The following COL4A4 variants were observed in gnomAD, a reference collection of about 807,000 sequenced individuals.
COL4A4 encodes the protein collagen type IV alpha 4 chain, also known as collagen alpha-4(IV) chain.
In COL4A4, 105 loss-of-function variants were observed where a neutral mutation model predicts 192.9. That is an observed-to-expected ratio of 0.54 (90% CI 0.46 to 0.64). COL4A4 has a LOEUF of 0.64. COL4A4 is among the 30% of genes least tolerant of loss of function. COL4A4 has a pLI of 0.00. For missense variants in COL4A4, 1,967 were observed against 2,169.3 expected (o/e 0.91, Z 1.85); for synonymous variants, 762 against 769.9 (o/e 0.99, Z 0.17).
At chr2:227,095,131 A>G (rs1308892683) in intron 19 of COL4A4, among the ~76,000 whole-genome samples, 1 of 152,224 alleles carries the variant, frequency 6.6e-6, no homozygotes, top group East Asian at 1.9e-4. Flanking sequence ...CTTTAGGATT[A>G]TTGGGGAAGA....
At chr2:226,969,896 G>A in the COL4A4 span, among the ~76,000 whole-genome samples, 3 of 151,812 alleles carry the variant, frequency 2.0e-5, no homozygotes, top group African/African-American at 7.3e-5. Context: ...ATCCTGTGGC[G>A]AGGCACAAAG....
At chr2:226,999,512 G>A (rs565578630), downstream of COL4A4, among the ~76,000 whole-genome samples, 11 of 152,290 alleles carry the variant, frequency 7.2e-5, no homozygotes, top group East Asian at 1.9e-4. Flanking sequence ...ACAGGTCTGC[G>A]TTGGATGTGT....
In COL4A4 at chr2:227,102,814, C is replaced by T. The variant is rs777687210; in HGVS notation, c.905G>A (p.Gly302Asp). 1.2e-6 allele frequency: 2 copies of T among 1,613,512 alleles called. No homozygotes were observed. Among genetic ancestry groups the T allele is most frequent in the African/African-American group, 2.7e-5 (2 of 74,840 alleles). The change falls in exon 15 of 48, where the codon GGT (glycine) becomes GAT (aspartate). Residue 302 changes from glycine to aspartate, a missense_variant. Transcript: ENST00000396625. The part of the protein sequence containing the change: ...ESGIGAKGEK[G>D]IPGFPGPRGD... ...CCGAGGCCCTGGAAATCCAGGAATA[C>T]CTTTTTCTCCTTTTGCCCCAATACC...
chr2:226,974,306 C>G, the COL4A4 span, among the ~76,000 whole-genome samples: 1 of 151,116 alleles, frequency 6.6e-6, no homozygotes, highest in Non-Finnish European at 1.5e-5. Context: ...GGTGTGATCT[C>G]GGCTCATTGC....
chr2:226,990,764 A>G, the COL4A4 span, among the ~76,000 whole-genome samples: 1 of 152,216 alleles, frequency 6.6e-6, no homozygotes, highest in Admixed American at 6.5e-5. Flanking sequence ...GAGGTAAATC[A>G]TCTTAACACG....
intron 29 of COL4A4, 112 bp downstream of exon 29, chr2:227,057,327 G>T: frequency 3.1e-6 from 4 of 1,278,704 alleles, no homozygotes; most frequent in Non-Finnish European, 4.4e-6. Flanking sequence ...GAAGTCCTTT[G>T]TCTCTGACTC....
At chr2:227,027,739 C>T (rs1575865244) in intron 42 of COL4A4, 163 bp downstream of exon 42, 2 of 516,696 alleles carry the variant, frequency 3.9e-6, no homozygotes, top group East Asian at 6.2e-5. Flanking sequence ...CTTTACCAAA[C>T]ATGAGACTTT....
At chr2:227,096,601 C>A (rs2060216084) in intron 19 of COL4A4, among the ~76,000 whole-genome samples, 1 of 152,132 alleles carries the variant, frequency 6.6e-6, no homozygotes, top group Non-Finnish European at 1.5e-5. Flanking sequence ...TATATTGAAT[C>A]TTTACTATAC....
chr2:227,115,512 T>TA (rs1446672446), intron 7 of COL4A4, among the ~76,000 whole-genome samples: 1 of 152,058 alleles, frequency 6.6e-6, no homozygotes, highest in Non-Finnish European at 1.5e-5. Context: ...GACCTCGTGA[T>TA]CCACCCGCCT....
At chr2:226,983,022 TA>T in the COL4A4 span, among the ~76,000 whole-genome samples, 12 of 152,330 alleles carry the variant, frequency 7.9e-5, no homozygotes, top group Non-Finnish European at 1.6e-4. Context: ...CTTTGACTCA[TA>T]GTAAATGTCA....
intron 21 of COL4A4, 41 bp downstream of exon 21, chr2:227,089,827 A>G (rs2059814836): frequency 1.3e-6 from 2 of 1,487,178 alleles, no homozygotes; most frequent in Non-Finnish European, 1.9e-6. Flanking sequence ...TCATCCATGT[A>G]CAGTTGTCTT....
In COL4A4 at chr2:227,099,538, A is replaced by G. The variant is rs146411683; in HGVS notation, c.1099+82T>C. 2.3e-6 allele frequency: 3 copies of G among 1,278,904 alleles called. No homozygotes were observed. In the East Asian group the frequency reaches 6.9e-5, roughly 30 times the overall value. The allele number at this position is 1,278,904 out of a possible 1,614,324, so 79.2% of individuals were successfully genotyped here. A position where few individuals can be genotyped will look rare whatever the true frequency, so the allele number is the denominator to read the frequency against. The stretch of plus-strand genomic sequence containing the variant: ...CCTGCCTAGTGTGCAAGCTATGGAA[A>G]TACTGGGCCAGACTCTTCTGTCCTG... On this transcript the variant is annotated intron_variant, in intron 18 of 47. Coordinates refer to ENST00000396625, the MANE Select transcript of COL4A4 (RefSeq NM_000092.5).
chr2:227,042,262 A>C lies in COL4A4; in HGVS notation c.3398-7T>G. 1 of 1,576,158 alleles carries C rather than the reference A, an allele frequency of 6.3e-7. No individual in the cohort carries two copies. Among genetic ancestry groups the C allele is most frequent in the Non-Finnish European group, 8.7e-7 (1 of 1,145,538 alleles). On this transcript the variant is annotated splice_region_variant and splice_polypyrimidine_tract_variant and intron_variant, in intron 36 of 47. Transcript: ENST00000396625. ...CCAGGCATCCCGTGATCACCTGAGG[A>C]TGACAGGGAAGTTTTGCAGATGGCC...
intron 37 of COL4A4, among the ~76,000 whole-genome samples, chr2:227,034,619 GGTTA>G (rs1386290068): frequency 4.0e-5 from 6 of 150,638 alleles, no homozygotes; most frequent in Non-Finnish European, 8.9e-5. Context: ...ACAATGTGCA[GGTTA>G]GTTACATATG....
chr2:227,086,470 C>G (rs1408745906), intron 22 of COL4A4, among the ~76,000 whole-genome samples: 3 of 151,872 alleles, frequency 2.0e-5, no homozygotes, highest in Non-Finnish European at 4.4e-5. Context: ...TCCCCCTTCC[C>G]TCCCTTCTCT....
chr2:227,041,718 A>AGGAG, intron 37 of COL4A4, among the ~76,000 whole-genome samples: 1 of 91,128 alleles, frequency 1.1e-5, no homozygotes, highest in African/African-American at 5.0e-5. Context: ...GAAGGAAGGG[A>AGGAG]GGAGGAAGGA....
the COL4A4 span, among the ~76,000 whole-genome samples, chr2:226,985,513 T>G: frequency 6.6e-6 from 1 of 152,274 alleles, no homozygotes; most frequent in East Asian, 1.9e-4. Flanking sequence ...CATAGGCCTC[T>G]GGTTCCACCT....
chr2:227,054,656 C>T lies in COL4A4; in HGVS notation c.2798G>A (p.Gly933Glu), dbSNP rs1974896645. ...AGACATGCCCTTCTCTCCAGGTTCTCCCTTTGCGCCAGGACATCCCTCTGC... is the reference window on the plus strand; with the variant it reads ...AGACATGCCCTTCTCTCCAGGTTCTTCCTTTGCGCCAGGACATCCCTCTGC... ...PGAEGCPGAK[G>E]EPGEKGMSGL... The change falls in exon 31 of 48, where the codon GGA (glycine) becomes GAA (glutamate). Residue 933 changes from glycine (G) to glutamate (E), a missense_variant. Transcript: ENST00000396625. 3 of 1,614,146 alleles carry T rather than the reference C, an allele frequency of 1.9e-6. No individual in the cohort carries two copies.
intron 1 of COL4A4, among the ~76,000 whole-genome samples, chr2:227,149,070 A>C (rs771400035): frequency 2.6e-5 from 4 of 151,894 alleles, no homozygotes; most frequent in Non-Finnish European, 5.9e-5. Flanking sequence ...GCTGGTCTTG[A>C]ACTCCTGACC....
Sources: allele counts gnomAD v4.1 joint callset (sites outside exome capture counted in the v4.1 genomes callset), GRCh38; gene constraint gnomAD v4.1.1; transcripts MANE v1.5; gene names NCBI Gene and HGNC (gene_info 2026-07-23, HGNC 2026-07-21).